ENTHD1: variants seen among roughly 807,000 people sequenced by gnomAD.
ENTHD1 encodes ENTH domain containing 1.
A neutral mutation model predicts 39.1 loss-of-function variants in ENTHD1; 23 were observed. The ratio of observed to expected loss-of-function variants is 0.59; its 90% confidence interval spans 0.42 to 0.83. ENTHD1 has a LOEUF of 0.83. ENTHD1 is among the 40% of genes least tolerant of loss of function. The pLI is 0.00. For synonymous variants in ENTHD1, 230 were observed against 258.2 expected (o/e 0.89, Z 1.05); for missense variants, 624 against 705.4 (o/e 0.88, Z 1.31).
chr22:39,892,281 T>G (rs1489720053), intron 1 of ENTHD1, among the ~76,000 whole-genome samples: 1 of 152,214 alleles, frequency 6.6e-6, no homozygotes, highest in African/African-American at 2.4e-5. Context: ...TTCCCCCCAT[T>G]TCATCTGAAT....
At chr22:39,754,530 C>T (rs1601568784) in intron 6 of ENTHD1, among the ~76,000 whole-genome samples, 2 of 152,356 alleles carry the variant, frequency 1.3e-5, no homozygotes, top group East Asian at 3.9e-4. Context: ...CCATTACTCA[C>T]AGTGTGTGGC....
In ENTHD1 at chr22:39,887,435, T is replaced by TCTTTTAGTGTTTGAAACAAA. The variant is rs1569183106; in HGVS notation, c.313_314insTTTGTTTCAAACACTAAAAG (p.Asp105ValfsTer6). On this transcript the variant is annotated stop_gained and frameshift_variant, in exon 2 of 7. Transcript: ENST00000325157. LOFTEE classifies it high-confidence loss of function. ...TCCAGCTTCATCTATGTGCTGAAAA[T>TCTTTTAGTGTTTGAAACAAA]CTTTTAGTGTTTGAAGGTTACAGAA... 2 of 1,612,012 alleles carry TCTTTTAGTGTTTGAAACAAA rather than the reference T, an allele frequency of 1.2e-6. No homozygotes were observed. Among genetic ancestry groups the TCTTTTAGTGTTTGAAACAAA allele is most frequent in the Admixed American group, 3.4e-5 (2 of 59,530 alleles).
chr22:39,840,808 G>A (rs1350432292), intron 3 of ENTHD1, among the ~76,000 whole-genome samples: 4 of 151,702 alleles, frequency 2.6e-5, no homozygotes, highest in African/African-American at 9.7e-5. Context: ...AGGCTGGAGT[G>A]CAGTGGCGTG....
intron 3 of ENTHD1, among the ~76,000 whole-genome samples, chr22:39,844,264 TAAGAA>T (rs777435867): frequency 6.6e-6 from 1 of 152,126 alleles, no homozygotes; most frequent in African/African-American, 2.4e-5. Flanking sequence ...AATAGGTAGA[TAAGAA>T]AAGTGAAAAA....
chr22:39,769,561 G>C (rs1412719048), intron 5 of ENTHD1, among the ~76,000 whole-genome samples: 12 of 152,164 alleles, frequency 7.9e-5, no homozygotes. Flanking sequence ...GGATGAACAA[G>C]TCTAAGGGCT....
At chr22:39,786,281 C>T (rs973077506) in intron 5 of ENTHD1, among the ~76,000 whole-genome samples, 45 of 152,122 alleles carry the variant, frequency 3.0e-4, no homozygotes, top group African/African-American at 9.9e-4. Context: ...TATATATTTA[C>T]GGTGTACAAT....
chr22:39,877,693 AG>A (rs2066302939), intron 2 of ENTHD1, among the ~76,000 whole-genome samples: 1 of 152,166 alleles, frequency 6.6e-6, no homozygotes, highest in South Asian at 2.1e-4. Context: ...TAGCAGGGGA[AG>A]GAAAAAAAGG....
At chr22:39,759,110 A>T (rs2065209268) in intron 6 of ENTHD1, among the ~76,000 whole-genome samples, 2 of 152,138 alleles carry the variant, frequency 1.3e-5, no homozygotes, top group Non-Finnish European at 2.9e-5. Flanking sequence ...TTGGCATTAG[A>T]TTCTGCTAGC....
intron 5 of ENTHD1, among the ~76,000 whole-genome samples, chr22:39,778,680 A>G (rs17001460): frequency 0.013 from 1,968 of 152,224 alleles, 45 homozygotes; most frequent in African/African-American, 0.045. Flanking sequence ...GGCAAATACC[A>G]TTTCTCTTCT....
intron 5 of ENTHD1, among the ~76,000 whole-genome samples, chr22:39,776,351 GGCTT>G (rs1248807059): frequency 6.6e-6 from 1 of 152,150 alleles, no homozygotes; most frequent in Non-Finnish European, 1.5e-5. Context: ...TAATGTAGTT[GGCTT>G]GCTTTATCTG....
chr22:39,887,223 C>T (rs940956973), intron 2 of ENTHD1, among the ~76,000 whole-genome samples, 177 bp downstream of exon 2: 6 of 152,098 alleles, frequency 3.9e-5, no homozygotes, highest in Admixed American at 6.6e-5. Flanking sequence ...CTTTAGAGAT[C>T]GGGGTCTCTC....
In ENTHD1 at chr22:39,817,087, C is replaced by T. The variant is rs554448037; in HGVS notation, c.832+3906G>A. On this transcript the variant is annotated intron_variant, in intron 5 of 6. Coordinates refer to ENST00000325157, the MANE Select transcript of ENTHD1 (RefSeq NM_152512.4). The stretch of plus-strand genomic sequence containing the variant: ...ACCTACTATGTAATGCAACTTTTTA[C>T]CCAAGTGATAAAAACATAAGGCTTG... Among the ~76,000 whole-genome samples the T allele has an allele frequency of 4.6e-5, 7 of 152,202 alleles. No homozygotes were observed. The East Asian group carries it at 1.2e-3, about 25-fold the overall frequency.
At chr22:39,800,124 T>C (rs1001623132) in intron 5 of ENTHD1, among the ~76,000 whole-genome samples, 6 of 152,196 alleles carry the variant, frequency 3.9e-5, no homozygotes, top group African/African-American at 1.4e-4. Flanking sequence ...GCTAAGGTTA[T>C]AGGAGTCCAT....
chr22:39,756,284 T>C (rs1240745900), intron 6 of ENTHD1, among the ~76,000 whole-genome samples: 2 of 144,638 alleles, frequency 1.4e-5, no homozygotes, highest in African/African-American at 5.3e-5. Flanking sequence ...TATCAATGTC[T>C]CTGTCTCTCT....
chr22:39,826,901 C>T (rs1018842150), intron 4 of ENTHD1, among the ~76,000 whole-genome samples: 1 of 151,344 alleles, frequency 6.6e-6, no homozygotes, highest in Non-Finnish European at 1.5e-5. Flanking sequence ...GAGGGAGAGT[C>T]GTGCTCTGTT....
chr22:39,765,254 C>T lies in ENTHD1; in HGVS notation c.1188G>A (p.Met396Ile), dbSNP rs752105884. ...TGGTTGTCTTGAGGATTTTATCATC[C>T]ATCTGAATGCTGGATTGTGCTGGTT... ...YQKPAQSSIQ[M>I]DDKILKTTTR... The change falls in exon 6 of 7, where the codon ATG (methionine) becomes ATA (isoleucine). Residue 396 changes from methionine (M) to isoleucine (I), a missense_variant. Met to Ile is a conservative substitution (Grantham distance 10). Transcript: ENST00000325157. 4 of 1,608,122 alleles carry T rather than the reference C, an allele frequency of 2.5e-6. No homozygotes were observed. Among genetic ancestry groups the T allele is most frequent in the Non-Finnish European group, 3.4e-6 (4 of 1,177,506 alleles).
At chr22:39,816,457 C>T (rs1340619451) in intron 5 of ENTHD1, among the ~76,000 whole-genome samples, 1 of 152,064 alleles carries the variant, frequency 6.6e-6, no homozygotes, top group South Asian at 2.1e-4. Flanking sequence ...CACTATGGTA[C>T]GCTGTTATAG....
intron 5 of ENTHD1, among the ~76,000 whole-genome samples, chr22:39,785,211 C>T (rs2065445843): frequency 1.3e-5 from 2 of 152,174 alleles, no homozygotes; most frequent in Admixed American, 6.5e-5. Flanking sequence ...AAGAGAAATG[C>T]TGATGGAGTG....
intron 3 of ENTHD1, among the ~76,000 whole-genome samples, chr22:39,857,060 A>G (rs1390329912): frequency 2.0e-5 from 3 of 152,168 alleles, no homozygotes; most frequent in African/African-American, 7.2e-5. Flanking sequence ...AAGTGGATTC[A>G]CTTTTTTAAA....
Sources: gnomAD v4.1 joint callset for allele counts (sites outside exome capture counted in the v4.1 genomes callset) on GRCh38, gnomAD v4.1.1 for gene constraint, MANE v1.5 for transcripts, NCBI Gene and HGNC (gene_info 2026-07-23, HGNC 2026-07-21) for gene names.